Variants in CRPPA observed in about 807,000 individuals in gnomAD.
CRPPA encodes the protein CDP-L-ribitol pyrophosphorylase A.
A neutral mutation model predicts 52.0 loss-of-function variants in CRPPA; 43 were observed. That is an observed-to-expected ratio of 0.83 (90% CI 0.65 to 1.07). The LOEUF is 1.07. CRPPA is among the 50% of genes least tolerant of loss of function. The probability of loss-of-function intolerance (pLI) is 0.00; values close to 1 mark genes in which losing one functional copy is unlikely to be tolerated. For synonymous variants in CRPPA, 250 were observed against 203.5 expected, an observed-to-expected ratio of 1.23 and a Z score of -1.94; for missense variants, 629 against 551.7, an observed-to-expected ratio of 1.14 and a Z score of -1.40.
At chr7:16,129,314 C>T (rs1270356131) in intron 9 of CRPPA, among the ~76,000 whole-genome samples, 3 of 152,180 alleles carry the variant, frequency 2.0e-5, no homozygotes, top group African/African-American at 7.2e-5. Flanking sequence ...AGTCTTTCAT[C>T]TCCTGCCTAG....
At chr7:16,283,968 T>G (rs1313319219) in intron 5 of CRPPA, among the ~76,000 whole-genome samples, 1 of 152,060 alleles carries the variant, frequency 6.6e-6, no homozygotes, top group Non-Finnish European at 1.5e-5. Flanking sequence ...CAATTCTATA[T>G]TGGAACAGAT....
intron 9 of CRPPA, among the ~76,000 whole-genome samples, chr7:16,210,824 A>G (rs1415358523): frequency 6.6e-6 from 1 of 152,158 alleles, no homozygotes; most frequent in African/African-American, 2.4e-5. Flanking sequence ...TTACATACAG[A>G]AAGTAGCTTC....
Position 16,124,234 on chromosome 7 carries a change from T to C in CRPPA, c.1252-32435A>G, listed in dbSNP as rs201110955. On this transcript the variant is annotated intron_variant, in intron 9 of 9. Transcript: ENST00000407010. Reference sequence around the variant, plus strand: ...ATCCTTGTTATTGTCTTTTTGATAATAGCCATTCTAACTGGGATGAAATAG... The same window carrying C: ...ATCCTTGTTATTGTCTTTTTGATAACAGCCATTCTAACTGGGATGAAATAG... Among the ~76,000 whole-genome samples, 14 of 141,764 alleles carry C rather than the reference T, an allele frequency of 9.9e-5. 1 individual carries two copies. Among genetic ancestry groups the C allele is most frequent in the Admixed American group, 7.5e-4 (11 of 14,742 alleles). The allele number at this position is 141,764 out of a possible 152,430, so 93.0% of individuals were successfully genotyped here.
chr7:16,375,102 A>G (rs1786847424), intron 3 of CRPPA, among the ~76,000 whole-genome samples: 1 of 152,174 alleles, frequency 6.6e-6, no homozygotes, highest in Non-Finnish European at 1.5e-5. Context: ...AGTTATCTAT[A>G]ACCTAAAACT....
At chr7:16,245,754 C>T (rs1244878515) in intron 8 of CRPPA, among the ~76,000 whole-genome samples, 2 of 152,126 alleles carry the variant, frequency 1.3e-5, no homozygotes, top group African/African-American at 2.4e-5. Context: ...AAATGAGTCA[C>T]AAGAAATTTT....
chr7:16,308,331 G>A (rs1268494557), intron 4 of CRPPA, among the ~76,000 whole-genome samples, 192 bp downstream of exon 4: 1 of 152,184 alleles, frequency 6.6e-6, no homozygotes, highest in Non-Finnish European at 1.5e-5. Context: ...AAAATGAGAT[G>A]TGTCTGAGTA....
chr7:16,325,815 A>G (rs1245705110), intron 3 of CRPPA, among the ~76,000 whole-genome samples: 1 of 152,034 alleles, frequency 6.6e-6, no homozygotes, highest in Non-Finnish European at 1.5e-5. Flanking sequence ...TTTTAACATT[A>G]AAGTGCACTG....
intron 6 of CRPPA, among the ~76,000 whole-genome samples, chr7:16,260,195 T>A (rs1044396067): frequency 6.6e-6 from 1 of 152,060 alleles, no homozygotes; most frequent in African/African-American, 2.4e-5. Flanking sequence ...TTCAAAGGCA[T>A]TAACAGCTAA....
At chr7:16,122,349 C>T (rs1291255587) in intron 9 of CRPPA, among the ~76,000 whole-genome samples, 1 of 151,650 alleles carries the variant, frequency 6.6e-6, no homozygotes, top group Admixed American at 6.6e-5. Flanking sequence ...AGAAAGAGTC[C>T]ATCTTGATTA....
chr7:16,136,571 G>C (rs1782766050), intron 9 of CRPPA, among the ~76,000 whole-genome samples: 1 of 152,130 alleles, frequency 6.6e-6, no homozygotes, highest in Non-Finnish European at 1.5e-5. Context: ...TCCTGAAACA[G>C]AGTTACAATA....
intron 2 of CRPPA, among the ~76,000 whole-genome samples, chr7:16,387,072 T>TATATATAC (rs1554352532): frequency 1.4e-5 from 1 of 72,010 alleles, no homozygotes; most frequent in African/African-American, 6.3e-5. Context: ...TATATATATA[T>TATATATAC]ATATATATAT....
chr7:16,388,885 A>G (rs1787365799), intron 2 of CRPPA, among the ~76,000 whole-genome samples: 1 of 152,226 alleles, frequency 6.6e-6, no homozygotes, highest in South Asian at 2.1e-4. Context: ...CAAACCAACA[A>G]AAACAGTTCA....
intron 9 of CRPPA, among the ~76,000 whole-genome samples, chr7:16,114,880 T>G (rs1423429003): frequency 6.6e-6 from 1 of 151,910 alleles, no homozygotes; most frequent in South Asian, 2.1e-4. Flanking sequence ...AAGAAATTAA[T>G]AAGAGAGAAC....
intron 3 of CRPPA, among the ~76,000 whole-genome samples, chr7:16,372,580 A>G (rs1405586792): frequency 1.3e-5 from 2 of 152,224 alleles, no homozygotes; most frequent in East Asian, 3.9e-4. Context: ...TTGATATATC[A>G]CAATCGAACC....
At chr7:16,294,693 A>G (rs1784635206) in intron 5 of CRPPA, among the ~76,000 whole-genome samples, 1 of 152,038 alleles carries the variant, frequency 6.6e-6, no homozygotes, top group African/African-American at 2.4e-5. Context: ...ACTCAAAGCC[A>G]GAAACATCAA....
chr7:16,345,674 T>A (rs975067996), intron 3 of CRPPA, among the ~76,000 whole-genome samples: 1 of 152,164 alleles, frequency 6.6e-6, no homozygotes, highest in Non-Finnish European at 1.5e-5. Flanking sequence ...AAAAAATATG[T>A]AGGATATACA....
At chr7:16,149,786 G>C (rs1162688029) in intron 9 of CRPPA, among the ~76,000 whole-genome samples, 1 of 152,050 alleles carries the variant, frequency 6.6e-6, no homozygotes, top group Non-Finnish European at 1.5e-5. Context: ...AGGAGTTTGC[G>C]ACCAGCCTGG....
At chr7:16,248,767 C>G (rs1314831250) in intron 8 of CRPPA, among the ~76,000 whole-genome samples, 1 of 152,158 alleles carries the variant, frequency 6.6e-6, no homozygotes, top group Non-Finnish European at 1.5e-5. Context: ...GGCGTCGCCT[C>G]ACCTGGGAAG....
chr7:16,214,246 CATATAT>C (rs1782241909), intron 9 of CRPPA, among the ~76,000 whole-genome samples: 1 of 152,136 alleles, frequency 6.6e-6, no homozygotes, highest in Admixed American at 6.5e-5. Flanking sequence ...AACTAGGCAT[CATATAT>C]ATAACCTGGC....
Sources: gnomAD v4.1 joint callset for allele counts (sites outside exome capture counted in the v4.1 genomes callset) on GRCh38, gnomAD v4.1.1 for gene constraint, MANE v1.5 for transcripts, NCBI Gene and HGNC (gene_info 2026-07-23, HGNC 2026-07-21) for gene names.